ADAMTSL1: variants seen among roughly 807,000 people sequenced by gnomAD.
The protein encoded by ADAMTSL1 is ADAMTS-like protein 1.
ADAMTSL1 carries 126 observed loss-of-function variants against 201.8 expected under a neutral mutation model. The ratio of observed to expected loss-of-function variants is 0.62; its 90% CI spans 0.54 to 0.72. The LOEUF is 0.72. Among genes scored for constraint, ADAMTSL1 ranks in the 30% least tolerant of loss-of-function variants. ADAMTSL1 has a pLI of 0.00. For missense variants in ADAMTSL1, 2,679 were observed against 2,277.8 expected (o/e 1.18, Z -3.59); for synonymous variants, 1,121 against 903.4 (o/e 1.24, Z -4.32).
intron 14 of ADAMTSL1, among the ~76,000 whole-genome samples, chr9:18,711,287 G>T (rs577535491): frequency 1.3e-5 from 2 of 152,210 alleles, no homozygotes; most frequent in Admixed American, 1.3e-4. Flanking sequence ...AGCTCCCAGC[G>T]TGAGCTACGC....
At chr9:18,623,204 C>T (rs1268281368) in intron 5 of ADAMTSL1, among the ~76,000 whole-genome samples, 1 of 150,438 alleles carries the variant, frequency 6.6e-6, no homozygotes, top group Non-Finnish European at 1.5e-5. Context: ...CTATATGAAG[C>T]TTTTTATTGA....
chr9:18,563,500 C>G (rs1333618251), intron 3 of ADAMTSL1, among the ~76,000 whole-genome samples: 2 of 152,212 alleles, frequency 1.3e-5, no homozygotes, highest in Non-Finnish European at 2.9e-5. Context: ...TAGGGACCCA[C>G]TTCACGAGGC....
At chr9:18,866,664 T>G (rs570892207) in intron 23 of ADAMTSL1, among the ~76,000 whole-genome samples, 1 of 152,348 alleles carries the variant, frequency 6.6e-6, no homozygotes, top group African/African-American at 2.4e-5. Context: ...CAGAGGGACA[T>G]TGCCTCAGGA....
At chr9:18,196,551 A>G (rs1829191962) in intron 2 of ADAMTSL1, among the ~76,000 whole-genome samples, 1 of 152,064 alleles carries the variant, frequency 6.6e-6, no homozygotes, top group Non-Finnish European at 1.5e-5. Flanking sequence ...GCTTGGCCTA[A>G]TCTCTGCTGG....
intron 7 of ADAMTSL1, 55 bp from the exon 8 acceptor site, chr9:18,657,584 G>T: frequency 1.5e-6 from 2 of 1,362,644 alleles, no homozygotes; most frequent in Non-Finnish European, 1.0e-6. Flanking sequence ...AGCTGCAAGG[G>T]ACCAGAAAGC....
intron 13 of ADAMTSL1, among the ~76,000 whole-genome samples, chr9:18,692,623 A>G (rs533273653): frequency 2.0e-5 from 3 of 152,206 alleles, no homozygotes; most frequent in African/African-American, 7.2e-5. Flanking sequence ...AAGCTTTGCC[A>G]AACATGTTGA....
intron 1 of ADAMTSL1, among the ~76,000 whole-genome samples, chr9:17,959,866 C>G (rs988221636): frequency 6.6e-6 from 1 of 152,136 alleles, no homozygotes; most frequent in Non-Finnish European, 1.5e-5. Flanking sequence ...TCTGATTTAT[C>G]CATAAAATGG....
At chr9:18,393,143 G>A (rs896727720) in intron 2 of ADAMTSL1, among the ~76,000 whole-genome samples, 5 of 152,122 alleles carry the variant, frequency 3.3e-5, no homozygotes, top group Non-Finnish European at 7.4e-5. Context: ...GGAAATTAAG[G>A]AACCTCTAAA....
At chr9:18,783,413 A>G (rs1373416613) in intron 19 of ADAMTSL1, among the ~76,000 whole-genome samples, 5 of 152,212 alleles carry the variant, frequency 3.3e-5, no homozygotes, top group Admixed American at 6.5e-5. Flanking sequence ...TTTCTACGGT[A>G]GGGACCCATA....
chr9:18,505,676 T>C (rs748474494), intron 2 of ADAMTSL1, among the ~76,000 whole-genome samples: 8 of 152,322 alleles, frequency 5.3e-5, no homozygotes, highest in African/African-American at 7.2e-5. Flanking sequence ...AAATATAAAG[T>C]ACCATGGTAA....
At chr9:18,755,121 T>C (rs1006528894) in intron 16 of ADAMTSL1, among the ~76,000 whole-genome samples, 1 of 152,218 alleles carries the variant, frequency 6.6e-6, no homozygotes, top group Non-Finnish European at 1.5e-5. Flanking sequence ...ATGAGCACTT[T>C]TGTTTTACAG....
At chr9:18,508,163 C>T (rs764630066) in intron 2 of ADAMTSL1, among the ~76,000 whole-genome samples, 30 of 149,994 alleles carry the variant, frequency 2.0e-4, no homozygotes, top group South Asian at 8.5e-4. Context: ...CCAGCCTGGG[C>T]GACGAGCGAA....
chr9:17,912,224 T>C (rs185513678), intron 1 of ADAMTSL1, among the ~76,000 whole-genome samples: 6,156 of 65,556 alleles, frequency 0.094, 1,976 homozygotes, highest in Middle Eastern at 0.18. Flanking sequence ...CTGGGTCAAA[T>C]GATATTTCTA....
chr9:18,719,545 G>A (rs1034450585), intron 14 of ADAMTSL1, among the ~76,000 whole-genome samples: 1 of 152,126 alleles, frequency 6.6e-6, no homozygotes, highest in Non-Finnish European at 1.5e-5. Context: ...TGTACTTTTA[G>A]TGGAGACGGG....
intron 1 of ADAMTSL1, among the ~76,000 whole-genome samples, chr9:17,976,189 G>C (rs967403951): frequency 1.3e-5 from 2 of 151,680 alleles, no homozygotes; most frequent in Non-Finnish European, 2.9e-5. Context: ...GTTCAAGATC[G>C]CTTTAGCTAT....
chr9:18,676,423 T>C (rs1394389341), intron 10 of ADAMTSL1, among the ~76,000 whole-genome samples: 4 of 152,154 alleles, frequency 2.6e-5, no homozygotes, highest in Non-Finnish European at 4.4e-5. Flanking sequence ...ATTCTTATTG[T>C]TCAAAACATT....
intron 2 of ADAMTSL1, among the ~76,000 whole-genome samples, chr9:18,172,764 C>G (rs1156859183): frequency 2.6e-5 from 4 of 151,674 alleles, no homozygotes; most frequent in African/African-American, 9.7e-5. Flanking sequence ...ATACAATAAA[C>G]ACTATATAAA....
At chr9:18,586,639 G>A (rs1823507724) in intron 4 of ADAMTSL1, among the ~76,000 whole-genome samples, 1 of 151,916 alleles carries the variant, frequency 6.6e-6, no homozygotes, top group Non-Finnish European at 1.5e-5. Flanking sequence ...CATAGTCAAG[G>A]CAATCCTAGA....
chr9:18,784,241 C>G (rs1375420157), intron 19 of ADAMTSL1, among the ~76,000 whole-genome samples: 1 of 152,212 alleles, frequency 6.6e-6, no homozygotes, highest in Non-Finnish European at 1.5e-5. Flanking sequence ...GCATAATACT[C>G]TCTCGGCCTT....
Sources: gnomAD v4.1 joint callset for allele counts (sites outside exome capture counted in the v4.1 genomes callset) on GRCh38, gnomAD v4.1.1 for gene constraint, MANE v1.5 for transcripts, NCBI Gene and HGNC (gene_info 2026-07-23, HGNC 2026-07-21) for gene names.